Variants in GRID2 observed in about 807,000 individuals in gnomAD.
GRID2 encodes the protein glutamate ionotropic receptor delta type subunit 2, also known as glutamate receptor ionotropic, delta-2.
A neutral mutation model predicts 114.8 loss-of-function variants in GRID2; 33 were observed. The ratio of observed to expected loss-of-function variants is 0.29; its 90% CI spans 0.22 to 0.38. The LOEUF is 0.38. GRID2 is among the 10% of genes least tolerant of loss of function. The pLI, the probability that GRID2 is intolerant of heterozygous loss-of-function variation, is 1.00. For missense variants in GRID2, 1,184 were observed against 1,257.7 expected (o/e 0.94, Z 0.89); for synonymous variants, 505 against 449.9 (o/e 1.12, Z -1.55).
At chr4:92,452,029 A>T (rs1232171930) in intron 1 of GRID2, among the ~76,000 whole-genome samples, 1 of 152,206 alleles carries the variant, frequency 6.6e-6, no homozygotes, top group Non-Finnish European at 1.5e-5. Flanking sequence ...ATAGTCATCC[A>T]TTCATTCATC....
At chr4:92,699,963 T>G (rs746565131) in intron 2 of GRID2, among the ~76,000 whole-genome samples, 51 of 152,222 alleles carry the variant, frequency 3.4e-4, no homozygotes, top group Admixed American at 2.6e-4. Flanking sequence ...ATGTATCTAT[T>G]AAAATATAGA....
In GRID2 at chr4:93,392,554, G is replaced by A. The variant is rs373115500; in HGVS notation, c.1246-3053G>A. Among the ~76,000 whole-genome samples the A allele has an allele frequency of 6.6e-5, 10 of 152,160 alleles. No individual in the cohort carries two copies. The East Asian group carries it at 1.7e-3, about 26-fold the overall frequency. ...AAAAAAGCTTGAAATGAACCTCAGG[G>A]AGGTAAGTGGATATGAACAGAAATT... is the stretch of plus-strand genomic sequence containing the variant. On this transcript the variant is annotated intron_variant, in intron 8 of 15. Coordinates refer to ENST00000282020, the MANE Select transcript of GRID2 (RefSeq NM_001510.4).
At chr4:93,099,816 T>C (rs1731547107) in intron 3 of GRID2, among the ~76,000 whole-genome samples, 1 of 151,936 alleles carries the variant, frequency 6.6e-6, no homozygotes. Flanking sequence ...ACCATCCTCA[T>C]GAATGCATTC....
intron 1 of GRID2, among the ~76,000 whole-genome samples, chr4:92,473,593 A>G (rs1190707859): frequency 6.6e-6 from 1 of 151,952 alleles, no homozygotes; most frequent in Admixed American, 6.6e-5. Flanking sequence ...TTTTTCTTCT[A>G]TTTCTAGGAT....
chr4:93,468,628 G>A (rs1030021107), intron 11 of GRID2, among the ~76,000 whole-genome samples: 1 of 152,060 alleles, frequency 6.6e-6, no homozygotes, highest in Non-Finnish European at 1.5e-5. Flanking sequence ...GAGGCCGGAA[G>A]CATAGTTTAG....
chr4:92,746,422 C>G (rs1737152233), intron 2 of GRID2, among the ~76,000 whole-genome samples: 1 of 152,042 alleles, frequency 6.6e-6, no homozygotes, highest in African/African-American at 2.4e-5. Flanking sequence ...ATATTAAAGC[C>G]AGACCATCTA....
chr4:93,349,427 G>T (rs545511547), intron 8 of GRID2, among the ~76,000 whole-genome samples: 2 of 151,818 alleles, frequency 1.3e-5, no homozygotes, highest in African/African-American at 4.8e-5. Flanking sequence ...GCTGTATTTT[G>T]AATATTTTCT....
At chr4:92,804,212 T>G (rs1036150716) in intron 2 of GRID2, among the ~76,000 whole-genome samples, 4 of 152,050 alleles carry the variant, frequency 2.6e-5, no homozygotes, top group Non-Finnish European at 5.9e-5. Flanking sequence ...GTCATATCAT[T>G]TTTTAGTAGA....
At chr4:93,599,182 G>C (rs557564173) in intron 13 of GRID2, among the ~76,000 whole-genome samples, 2 of 152,160 alleles carry the variant, frequency 1.3e-5, no homozygotes, top group African/African-American at 4.8e-5. Context: ...AATGTTGTTG[G>C]ATGGACTTGA....
intron 14 of GRID2, among the ~76,000 whole-genome samples, chr4:93,654,212 G>T (rs1303994616): frequency 6.6e-6 from 1 of 152,080 alleles, no homozygotes. Context: ...TCTATACCAG[G>T]AAATTTTCAA....
chr4:93,022,513 G>T (rs1056154614), intron 2 of GRID2, among the ~76,000 whole-genome samples: 1 of 151,728 alleles, frequency 6.6e-6, no homozygotes, highest in Non-Finnish European at 1.5e-5. Context: ...ATAAATCTTT[G>T]CAATATTTTC....
intron 14 of GRID2, among the ~76,000 whole-genome samples, chr4:93,765,441 G>A (rs1308299078): frequency 8.5e-5 from 13 of 152,070 alleles, no homozygotes; most frequent in Admixed American, 3.3e-4. Context: ...AATACAAAGA[G>A]ATTTTTGTGG....
intron 2 of GRID2, among the ~76,000 whole-genome samples, chr4:92,942,421 G>A (rs1016748898): frequency 6.6e-6 from 1 of 152,018 alleles, no homozygotes; most frequent in Non-Finnish European, 1.5e-5. Context: ...CCATTTGCTT[G>A]GCAGATCTTC....
chr4:92,383,276 G>A (rs1057045595), intron 1 of GRID2, among the ~76,000 whole-genome samples: 3 of 151,904 alleles, frequency 2.0e-5, no homozygotes, highest in African/African-American at 7.3e-5. Flanking sequence ...ATACCACATT[G>A]TTAGGGAGGA....
At chr4:93,736,702 G>A (rs535281649) in intron 14 of GRID2, among the ~76,000 whole-genome samples, 4 of 151,864 alleles carry the variant, frequency 2.6e-5, no homozygotes, top group African/African-American at 4.8e-5. Flanking sequence ...TTTTAGAAGC[G>A]ATAGTGATCC....
chr4:93,515,777 A>G (rs1038143334), intron 13 of GRID2, among the ~76,000 whole-genome samples: 21 of 152,156 alleles, frequency 1.4e-4, no homozygotes, highest in African/African-American at 5.1e-4. Flanking sequence ...GGTATTTTCT[A>G]CACTACACTT....
chr4:93,009,437 T>C (rs1361776860), intron 2 of GRID2, among the ~76,000 whole-genome samples: 2 of 152,242 alleles, frequency 1.3e-5, no homozygotes, highest in East Asian at 3.9e-4. Flanking sequence ...ATTCCTTTTG[T>C]AATAAAACAT....
At chr4:93,282,289 A>T (rs1357445781) in intron 8 of GRID2, 1 of 321,906 alleles carries the variant, frequency 3.1e-6, no homozygotes, top group East Asian at 9.4e-5. Flanking sequence ...AAACAATTAA[A>T]AGTACCTGCC....
chr4:93,461,545 G>A (rs754376296), intron 11 of GRID2, among the ~76,000 whole-genome samples: 3 of 152,110 alleles, frequency 2.0e-5, no homozygotes, highest in Admixed American at 6.5e-5. Flanking sequence ...TCTAAAAAAA[G>A]AGTTCACGGA....
Sources: gnomAD v4.1 joint callset for allele counts (sites outside exome capture counted in the v4.1 genomes callset) on GRCh38, gnomAD v4.1.1 for gene constraint, MANE v1.5 for transcripts, NCBI Gene and HGNC (gene_info 2026-07-23, HGNC 2026-07-21) for gene names.